The following MAP3K7CL variants were observed in gnomAD, a reference collection of about 807,000 sequenced individuals.
MAP3K7CL encodes the protein MAP3K7 C-terminal like.
A neutral mutation model predicts 18.6 loss-of-function variants in MAP3K7CL; 16 were observed. That is an observed-to-expected ratio of 0.86 (90% CI 0.58 to 1.31). MAP3K7CL has a LOEUF of 1.31. MAP3K7CL is among the 50% of genes most tolerant of loss of function. The pLI is 0.00. For missense variants in MAP3K7CL, 163 were observed against 174.4 expected, an observed-to-expected ratio of 0.93 and a Z score of 0.37; for synonymous variants, 65 against 66.8, an observed-to-expected ratio of 0.97 and a Z score of 0.13.
intron 4 of MAP3K7CL, chr21:29,109,406 C>T: frequency 1.5e-6 from 2 of 1,333,308 alleles, no homozygotes; most frequent in South Asian, 2.0e-5. Flanking sequence ...AAAAAATGCT[C>T]AGCCAGGAGG....
intron 4 of MAP3K7CL, among the ~76,000 whole-genome samples, chr21:29,124,789 G>T (rs1215858597): frequency 6.6e-6 from 1 of 152,208 alleles, no homozygotes; most frequent in Non-Finnish European, 1.5e-5. Context: ...CTGGAATACA[G>T]CTATACACAT....
chr21:29,138,734 C>A (rs2086937876), intron 2 of MAP3K7CL, among the ~76,000 whole-genome samples: 1 of 152,140 alleles, frequency 6.6e-6, no homozygotes, highest in Non-Finnish European at 1.5e-5. Context: ...ATAATCCCAG[C>A]ACTCTGGGAA....
chr21:29,122,212 A>T (rs1055268076), intron 4 of MAP3K7CL: 2 of 152,218 alleles, frequency 1.3e-5, no homozygotes, highest in Non-Finnish European at 2.9e-5. Context: ...GGGAACATGC[A>T]GGTAAGTGGG....
At chr21:29,150,016 C>G (rs2087233101) in intron 3 of MAP3K7CL, among the ~76,000 whole-genome samples, 1 of 152,198 alleles carries the variant, frequency 6.6e-6, no homozygotes, top group South Asian at 2.1e-4. Flanking sequence ...TGTACACAGA[C>G]ATTTCTTAGT....
intron 1 of MAP3K7CL, among the ~76,000 whole-genome samples, chr21:29,079,785 A>G (rs2085806342): frequency 6.6e-6 from 1 of 152,216 alleles, no homozygotes; most frequent in Admixed American, 6.5e-5. Context: ...TTGAGGCTGT[A>G]CTGGAGTGAG....
intron 2 of MAP3K7CL, among the ~76,000 whole-genome samples, chr21:29,142,687 A>G (rs925089656): frequency 6.6e-6 from 1 of 152,208 alleles, no homozygotes; most frequent in African/African-American, 2.4e-5. Context: ...GAACTTAATT[A>G]TATTAAGCAT....
At chr21:29,154,004 C>CA (rs2087340613) in intron 3 of MAP3K7CL, among the ~76,000 whole-genome samples, 1 of 152,200 alleles carries the variant, frequency 6.6e-6, no homozygotes, top group Admixed American at 6.5e-5. Flanking sequence ...ATAAGAATGA[C>CA]AATGACCAAG....
At chr21:29,130,466 A>T (rs1320562463), upstream of MAP3K7CL, 1 of 408,308 alleles carries the variant, frequency 2.4e-6, no homozygotes, top group Non-Finnish European at 3.3e-6. Flanking sequence ...GCTGGAATAG[A>T]CACAGACACC....
At chr21:29,139,716 C>G (rs1041901883) in intron 2 of MAP3K7CL, among the ~76,000 whole-genome samples, 7 of 152,132 alleles carry the variant, frequency 4.6e-5, no homozygotes, top group African/African-American at 1.7e-4. Context: ...TCCTGAGTAG[C>G]TGGGATTATA....
upstream of MAP3K7CL, among the ~76,000 whole-genome samples, chr21:29,126,121 T>C (rs1300534627): frequency 6.6e-6 from 1 of 152,234 alleles, no homozygotes; most frequent in African/African-American, 2.4e-5. Context: ...CAGAGGACTC[T>C]GCATGTGCCA....
intron 4 of MAP3K7CL, chr21:29,109,686 A>G (rs911567311): frequency 4.1e-6 from 4 of 987,216 alleles, no homozygotes; most frequent in Non-Finnish European, 4.8e-6. Context: ...TCTCTGCATG[A>G]TCTCGGCTCA....
chr21:29,080,179 T>G (rs958326400), intron 1 of MAP3K7CL, among the ~76,000 whole-genome samples: 1 of 152,230 alleles, frequency 6.6e-6, no homozygotes, highest in East Asian at 1.9e-4. Context: ...AGATAGAAGT[T>G]ACTGTCATAG....
chr21:29,146,793 C>T (rs889014861), intron 2 of MAP3K7CL, among the ~76,000 whole-genome samples: 2 of 152,200 alleles, frequency 1.3e-5, no homozygotes, highest in Non-Finnish European at 2.9e-5. Flanking sequence ...CTACTCTTGA[C>T]TAAAATATAC....
intron 4 of MAP3K7CL, among the ~76,000 whole-genome samples, chr21:29,107,179 G>A (rs961138643): frequency 2.6e-5 from 4 of 152,148 alleles, no homozygotes; most frequent in Admixed American, 6.6e-5. Flanking sequence ...AGTCGGGCAT[G>A]GTGGTGGACA....
rs1451065914 is a variant in MAP3K7CL at position 29,139,843 on chromosome 21, CA to C, written c.70+6432del. ...CAGGTGACCGCCCGCCTTGGCCTCC[CA>C]AAGTGCTGGGATTACAGGAGTGAGC... On this transcript the variant is annotated intron_variant, in intron 2 of 4. Coordinates refer to ENST00000399928, the MANE Select transcript of MAP3K7CL (RefSeq NM_001286620.2). Among the ~76,000 whole-genome samples the C allele has an allele frequency of 6.0e-5, 9 of 151,136 alleles. No homozygotes were observed. In the East Asian group the frequency reaches 1.8e-3, roughly 29 times the overall value.
rs767455186 is a variant in MAP3K7CL at position 29,092,408 on chromosome 21, T to A, written c.228-31T>A. The A allele has an allele frequency of 2.5e-6, 4 of 1,612,556 alleles. No homozygotes were observed. The East Asian group carries it at 6.7e-5, about 27-fold the overall frequency. On this transcript the variant is annotated intron_variant, in intron 3 of 6. Coordinates refer to the MAP3K7CL transcript ENST00000286791. ...CTGTGCGGGGTCATTTGTCTCATCA[T>A]GACTTTGATTTGGCCTTGATCTTTA...
chr21:29,082,721 C>T (rs759538443), upstream of MAP3K7CL, among the ~76,000 whole-genome samples: 5 of 152,136 alleles, frequency 3.3e-5, no homozygotes, highest in Admixed American at 1.3e-4. Context: ...CATGGAGGCA[C>T]GTAAGTTGAG....
In MAP3K7CL at chr21:29,095,597, C is replaced by T. The variant is rs73899310; in HGVS notation, c.370+3016C>T. Among the ~76,000 whole-genome samples, 453 of 152,350 alleles carry T rather than the reference C, an allele frequency of 3.0e-3. 1 individual carries two copies. Among genetic ancestry groups the T allele is most frequent in the African/African-American group, 0.01 (436 of 41,576 alleles). ...AAAGCCAGTATTAAGTATTTTCCTT[C>T]ACCTGTGGTCTCCCAACTTATGTGC... On this transcript the variant is annotated intron_variant, in intron 4 of 6. Transcript: ENST00000286791.
chr21:29,159,203 A>C (rs2087481181), intron 3 of MAP3K7CL, among the ~76,000 whole-genome samples: 1 of 152,202 alleles, frequency 6.6e-6, no homozygotes, highest in African/African-American at 2.4e-5. Context: ...CGCATTGCTA[A>C]ACAAGAAATT....
Sources: allele counts gnomAD v4.1 joint callset (sites outside exome capture counted in the v4.1 genomes callset), GRCh38; gene constraint gnomAD v4.1.1; transcripts MANE v1.5; gene names NCBI Gene and HGNC (gene_info 2026-07-23, HGNC 2026-07-21).